Variants in MYLK4 observed in about 807,000 individuals in gnomAD.
The protein encoded by MYLK4 is myosin light chain kinase family member 4, also known as caMLCK like.
MYLK4 carries 46 observed loss-of-function variants against 48.1 expected under a neutral mutation model. The observed-to-expected ratio is 0.96, with a 90% CI of 0.75 to 1.22. The LOEUF is 1.22. Ranked by LOEUF, MYLK4 falls within the 50% of genes most tolerant of loss-of-function variation. The probability of loss-of-function intolerance (pLI) is 0.00; values close to 1 mark genes in which losing one functional copy is unlikely to be tolerated. For missense variants in MYLK4, 451 were observed against 486.1 expected (o/e 0.93, Z 0.68); for synonymous variants, 170 against 180.8 (o/e 0.94, Z 0.48).
chr6:2,717,691 G>A (rs6939579), intron 2 of MYLK4, among the ~76,000 whole-genome samples: 129,773 of 152,226 alleles, frequency 0.85, 55,412 homozygotes, highest in Admixed American at 0.89. Context: ...CCCTTTTATA[G>A]GAGAAAAACT....
At chr6:2,720,369 A>ACT (rs1202317996) in intron 2 of MYLK4, among the ~76,000 whole-genome samples, 2 of 151,184 alleles carry the variant, frequency 1.3e-5, no homozygotes, top group African/African-American at 4.9e-5. Context: ...GCGCCACTAC[A>ACT]CTCCAGCCTG....
At chr6:2,737,983 G>C (rs1341338822) in intron 2 of MYLK4, among the ~76,000 whole-genome samples, 1 of 115,332 alleles carries the variant, frequency 8.7e-6, no homozygotes. Flanking sequence ...GGGGCGGGTG[G>C]GGGGGGGGTG....
chr6:2,716,273 T>G (rs1762863436), intron 2 of MYLK4, among the ~76,000 whole-genome samples: 2 of 152,322 alleles, frequency 1.3e-5, no homozygotes, highest in South Asian at 4.1e-4. Flanking sequence ...ACATCATAAA[T>G]CACCCCTTCA....
At chr6:2,766,195 G>T in the MYLK4 span, 1 of 1,402,268 alleles carries the variant, frequency 7.1e-7, no homozygotes, top group Non-Finnish European at 9.3e-7. Flanking sequence ...ACTGGGACGC[G>T]GACGCTGCCG....
At position 2,696,702 on chromosome 6, in the gene MYLK4, T is replaced by A. The variant is rs572980872; in HGVS notation, c.160-3843A>T. On this transcript the variant is annotated intron_variant, in intron 2 of 12. Coordinates refer to ENST00000274643, the MANE Select transcript of MYLK4 (RefSeq NM_001012418.5). ...AACATTTATATTTTACATATGTTTT[T>A]AAAAATATATTGATACAATTGGACA... Among the ~76,000 whole-genome samples the A allele has an allele frequency of 2.4e-3, 367 of 152,370 alleles. 2 individuals are homozygous for A. Among genetic ancestry groups the A allele is most frequent in the African/African-American group, 8.0e-3 (333 of 41,584 alleles).
At chr6:2,743,144 T>A (rs1197339280) in intron 2 of MYLK4, among the ~76,000 whole-genome samples, 2 of 152,018 alleles carry the variant, frequency 1.3e-5, no homozygotes, top group African/African-American at 4.8e-5. Flanking sequence ...CTAAAAAGTC[T>A]AGGAGGGGGT....
At chr6:2,747,015 G>A (rs1191665700) in intron 2 of MYLK4, among the ~76,000 whole-genome samples, 10 of 152,208 alleles carry the variant, frequency 6.6e-5, no homozygotes, top group Admixed American at 5.9e-4. Flanking sequence ...GAGAGAGACA[G>A]GGAAATTTAT....
At chr6:2,714,903 A>G (rs149871302) in intron 2 of MYLK4, among the ~76,000 whole-genome samples, 1 of 152,242 alleles carries the variant, frequency 6.6e-6, no homozygotes, top group East Asian at 1.9e-4. Flanking sequence ...AGTCAAATTC[A>G]TAGAGACAGA....
chr6:2,684,219 C>G (rs1008007630), intron 6 of MYLK4, among the ~76,000 whole-genome samples: 1 of 152,106 alleles, frequency 6.6e-6, no homozygotes, highest in Non-Finnish European at 1.5e-5. Context: ...ATGACCCGGT[C>G]GGCTACTAAG....
intron 2 of MYLK4, among the ~76,000 whole-genome samples, chr6:2,694,044 C>T (rs1227999561): frequency 1.3e-5 from 2 of 152,082 alleles, no homozygotes; most frequent in Admixed American, 1.3e-4. Flanking sequence ...CAGGTGTGAG[C>T]CAACATGTCC....
intron 2 of MYLK4, among the ~76,000 whole-genome samples, chr6:2,733,133 GT>G (rs1029777871): frequency 1.3e-5 from 2 of 152,110 alleles, no homozygotes; most frequent in African/African-American, 4.8e-5. Context: ...ATAATCTGTT[GT>G]TTTTACCCTG....
At chr6:2,693,766 T>C (rs1761904590) in intron 2 of MYLK4, among the ~76,000 whole-genome samples, 1 of 151,582 alleles carries the variant, frequency 6.6e-6, no homozygotes, top group East Asian at 1.9e-4. Flanking sequence ...CTTTTTTTTT[T>C]TTTTTTTTGA....
chr6:2,731,688 A>T (rs1485427385), intron 2 of MYLK4, among the ~76,000 whole-genome samples: 1 of 152,164 alleles, frequency 6.6e-6, no homozygotes, highest in Non-Finnish European at 1.5e-5. Context: ...TGTTTCTTTC[A>T]TTAATCATTG....
chr6:2,752,781 G>A (rs1015454644), upstream of MYLK4, among the ~76,000 whole-genome samples: 1 of 152,174 alleles, frequency 6.6e-6, no homozygotes, highest in Non-Finnish European at 1.5e-5. Context: ...TTAATGACTA[G>A]ATAGAATGAT....
At chr6:2,720,306 A>G (rs935746015) in intron 2 of MYLK4, among the ~76,000 whole-genome samples, 4 of 152,156 alleles carry the variant, frequency 2.6e-5, no homozygotes, top group African/African-American at 9.7e-5. Flanking sequence ...CGGGAGGCTG[A>G]GGCAGGAGAA....
At chr6:2,765,199 T>TCCCCCGCCCCC in the MYLK4 span, among the ~76,000 whole-genome samples, 1 of 57,538 alleles carries the variant, frequency 1.7e-5, no homozygotes, top group East Asian at 5.4e-4. Context: ...CCCCCGCCCC[T>TCCCCCGCCCCC]CCCCCGCCCC....
Position 2,664,639 on chromosome 6 carries a change from A to C in MYLK4, c.*3286T>G, listed in dbSNP as rs929562185. The C allele has an allele frequency of 6.6e-6, 1 of 152,274 alleles. No homozygotes were observed. Among genetic ancestry groups the C allele is most frequent in the South Asian group, 2.1e-4 (1 of 4,836 alleles). 9.4% of individuals were successfully genotyped at this position (152,274 alleles called of 1,614,324 possible). On this transcript the variant is annotated 3_prime_UTR_variant, in exon 13 of 13. Transcript: ENST00000274643. ...AATTTCCATAAAATGGATAAAAATT[A>C]AGTATTCACACATCTTTCCAAACAT...
chr6:2,679,553 G>T, intron 8 of MYLK4, 145 bp from the exon 9 acceptor site: 1 of 1,080,138 alleles, frequency 9.3e-7, no homozygotes, highest in South Asian at 1.3e-5. Flanking sequence ...AAACAATCAA[G>T]CAAGAGGCTC....
chr6:2,766,551 C>G, the MYLK4 span: 2 of 1,413,908 alleles, frequency 1.4e-6, no homozygotes, highest in Non-Finnish European at 9.3e-7. Flanking sequence ...GCCTGCCTCT[C>G]CTGGATAAGG....
Sources: gnomAD v4.1 joint callset for allele counts (sites outside exome capture counted in the v4.1 genomes callset) on GRCh38, gnomAD v4.1.1 for gene constraint, MANE v1.5 for transcripts, NCBI Gene and HGNC (gene_info 2026-07-23, HGNC 2026-07-21) for gene names.